The following VPS53 variants were observed in gnomAD, a reference collection of about 807,000 sequenced individuals.
VPS53 encodes vacuolar protein sorting-associated protein 53 homolog.
Under a neutral mutation model 107.0 loss-of-function variants are expected in VPS53, and 70 were observed. The observed-to-expected ratio is 0.65, with a 90% confidence interval of 0.54 to 0.80. VPS53 has a LOEUF of 0.80. VPS53 is among the 30% of genes least tolerant of loss of function. The pLI, the probability that VPS53 is intolerant of heterozygous loss-of-function variation, is 0.00. For synonymous variants in VPS53, 409 were observed against 393.3 expected (o/e 1.04, Z -0.47); for missense variants, 917 against 1,049.4 (o/e 0.87, Z 1.74).
intron 5 of VPS53, among the ~76,000 whole-genome samples, chr17:660,988 C>A (rs1005097577): frequency 6.6e-6 from 1 of 152,038 alleles, no homozygotes; most frequent in Non-Finnish European, 1.5e-5. Flanking sequence ...CTTCTGAGCA[C>A]AACACCGGGG....
rs1253834244 is a variant in VPS53, at chr17:519,696, G to A, written c.2328+130C>T. ...CTCCTCCAGAGGCTTCTCTGAATCC[G>A]GTTTGCTCTGTGGAGCCAGGCACAT... On this transcript the variant is annotated intron_variant, in intron 21 of 21. Transcript: ENST00000437048. The surrounding 1 kb of genome is among the most constrained non-coding windows in gnomAD (Gnocchi z 5.0). 4.1e-6 allele frequency: 3 copies of A among 728,998 alleles called. No individual in the cohort carries two copies. The highest frequency in any genetic ancestry group is 2.7e-5 in the East Asian group (1 of 36,936). The allele number at this position is 728,998 out of a possible 1,614,324, so 45.2% of individuals were successfully genotyped here.
In VPS53 at chr17:560,475, A is replaced by G. The variant is rs764318601; in HGVS notation, c.1655T>C (p.Ile552Thr). Residue 552 changes from isoleucine (I) to threonine (T), a missense_variant, in exon 15 of 22, where the codon ATC becomes ACC. By Grantham distance (89) the Ile-to-Thr change is moderately conservative. Transcript: ENST00000437048. ...AKFTLEELCLICNILSTAEYC... is the reference protein window; with the variant it reads ...AKFTLEELCLTCNILSTAEYC... Reference sequence around the variant, plus strand: ...CTCTGCCGTGCTCAGGATGTTACAGATGAGGCAGAGCTCCTCCAGAGTGAA... The same window carrying G: ...CTCTGCCGTGCTCAGGATGTTACAGGTGAGGCAGAGCTCCTCCAGAGTGAA... 2 of 1,613,084 alleles carry G rather than the reference A, an allele frequency of 1.2e-6. No homozygotes were observed. The highest frequency in any genetic ancestry group is 2.2e-5 in the South Asian group (2 of 91,028).
chr17:631,735 G>C lies in VPS53; in HGVS notation c.609-107C>G, dbSNP rs138076313. 2.8e-4 allele frequency: 279 copies of C among 997,578 alleles called. No homozygotes were observed. In the African/African-American group the frequency reaches 2.8e-3, roughly 10 times the overall value. The allele number at this position is 997,578 out of a possible 1,614,324, so 61.8% of individuals were successfully genotyped here. On this transcript the variant is annotated intron_variant, in intron 7 of 21. Transcript: ENST00000437048. ...GAAGTCTTTCGAGAAAGGCCAGGAA[G>C]GGTACAGAGACGTCCATGAGGTGAG... is the stretch of plus-strand genomic sequence containing the variant.
rs150688816 is a variant in VPS53, at chr17:663,606, A to G, written c.286-1711T>C. Among the ~76,000 whole-genome samples, 15 of 152,328 alleles carry G rather than the reference A, an allele frequency of 9.8e-5. No individual in the cohort carries two copies. The East Asian group carries it at 2.9e-3, about 29-fold the overall frequency. ...CCGTCCGTGAGTAAAGACTACCTAC[A>G]GCTAAAGTGTCTGTGAGCGTGTCAG... On this transcript the variant is annotated intron_variant, in intron 4 of 21. Transcript: ENST00000437048.
At chr17:568,938 G>A (rs1913799436) in intron 13 of VPS53, among the ~76,000 whole-genome samples, 1 of 152,208 alleles carries the variant, frequency 6.6e-6, no homozygotes, top group Admixed American at 6.5e-5. Flanking sequence ...ATACACGTAT[G>A]TTTATACACA....
At position 553,323 on chromosome 17, in the gene VPS53, C is replaced by T. The variant is rs142478715; in HGVS notation, c.1787+57G>A. The T allele has an allele frequency of 0.024, 36,449 of 1,537,672 alleles. 541 individuals are homozygous for T. The highest frequency in any genetic ancestry group is 0.029 in the Middle Eastern group (171 of 5,876). ...GTGTGCAGGGTACATACGTGCTGCA[C>T]GCTGCTGTGTAGTGGAGAAAGGGCA... On this transcript the variant is annotated intron_variant, in intron 16 of 21. Coordinates refer to ENST00000437048, the MANE Select transcript of VPS53 (RefSeq NM_001128159.3).
At chr17:570,058 C>T (rs373384768) in intron 13 of VPS53, among the ~76,000 whole-genome samples, 370 of 152,180 alleles carry the variant, frequency 2.4e-3, no homozygotes, top group African/African-American at 8.5e-3. Context: ...ACAACATCTA[C>T]ACCAAGTAAT....
intron 17 of VPS53, 27 bp from the exon 18 acceptor site, chr17:537,203 G>T: frequency 1.2e-6 from 2 of 1,612,454 alleles, no homozygotes; most frequent in Non-Finnish European, 1.7e-6. Context: ...ATGAGGCGTT[G>T]AATCCCTCGC....
At chr17:664,559 A>G (rs1386296734) in intron 4 of VPS53, among the ~76,000 whole-genome samples, 1 of 152,204 alleles carries the variant, frequency 6.6e-6, no homozygotes, top group Admixed American at 6.5e-5. Flanking sequence ...GCCTCAAAGC[A>G]TAAGGATTCT....
rs554879944 is a variant in VPS53, at chr17:619,057, G to A, written c.1116+4476C>T. On this transcript the variant is annotated intron_variant, in intron 11 of 21. Coordinates refer to ENST00000437048, the MANE Select transcript of VPS53 (RefSeq NM_001128159.3). ...CCACCACGCCCCGCTAATATTTCCC[G>A]GGTAGCTGGGACTACAGGCGTGCAC... 1.3e-3 allele frequency among the ~76,000 whole-genome samples: 183 copies of A among 139,462 alleles called. 4 individuals are homozygous for A. Among genetic ancestry groups the A allele is most frequent in the African/African-American group, 4.5e-3 (167 of 36,730 alleles). 91.5% of individuals were successfully genotyped at this position (139,462 alleles called of 152,430 possible). A position where few individuals can be genotyped will look rare whatever the true frequency, so the allele number is the denominator to read the frequency against.
intron 7 of VPS53, among the ~76,000 whole-genome samples, chr17:642,429 CGAGGACAACACTCATACTTGGCAACT>C (rs1970461358): frequency 4.0e-5 from 6 of 149,034 alleles, no homozygotes; most frequent in African/African-American, 1.5e-4. Flanking sequence ...ACTTGGAAAG[CGAGGACAACACTCATACTTGGCAACT>C]GAGGACAACA....
intron 4 of VPS53, among the ~76,000 whole-genome samples, chr17:663,007 A>G (rs1971536611): frequency 6.6e-6 from 1 of 151,706 alleles, no homozygotes; most frequent in Non-Finnish European, 1.5e-5. Context: ...GGAGTTCAAG[A>G]CTAGCCTGGG....
chr17:565,128 G>A (rs139341067), intron 13 of VPS53, among the ~76,000 whole-genome samples: 60 of 152,206 alleles, frequency 3.9e-4, no homozygotes, highest in African/African-American at 1.4e-3. Context: ...TAGGCCCAAC[G>A]TGGGGGCTCA....
intron 7 of VPS53, 99 bp downstream of exon 7, chr17:653,192 C>T (rs1035728996): frequency 4.7e-5 from 74 of 1,557,922 alleles, no homozygotes; most frequent in African/African-American, 1.6e-4. Context: ...GCCGGATCTG[C>T]GGAATCCCCA....
chr17:682,648 C>A (rs964087411), intron 4 of VPS53, among the ~76,000 whole-genome samples: 29 of 152,188 alleles, frequency 1.9e-4, no homozygotes, highest in African/African-American at 6.8e-4. Flanking sequence ...TTTCCAAGAC[C>A]TTCACTGGGT....
At position 544,404 on chromosome 17, in the gene VPS53, C is replaced by T. The variant is rs73292416; in HGVS notation, c.1867-7228G>A. Among the ~76,000 whole-genome samples the T allele has an allele frequency of 8.4e-3, 1,283 of 152,308 alleles. 20 individuals are homozygous for T. The highest frequency in any genetic ancestry group is 0.029 in the African/African-American group (1,223 of 41,562). ...CTTGCAATCCCAGCAGTTTAGGAGG[C>T]CGAGGCTCTTCCACTTTTAGGCAGG... On this transcript the variant is annotated intron_variant, in intron 17 of 21. Transcript: ENST00000437048.
intron 4 of VPS53, among the ~76,000 whole-genome samples, chr17:668,330 A>G (rs1426831330): frequency 6.6e-6 from 1 of 152,178 alleles, no homozygotes; most frequent in Non-Finnish European, 1.5e-5. Flanking sequence ...CTTGACAAAT[A>G]TTGCCCACTG....
chr17:671,344 A>C (rs2143700387), intron 4 of VPS53, among the ~76,000 whole-genome samples: 1 of 147,574 alleles, frequency 6.8e-6, no homozygotes, highest in East Asian at 2.1e-4. Flanking sequence ...GGAAAGAAAG[A>C]GGAAAGAAAG....
rs1908622656 is a variant in VPS53 at position 520,220 on chromosome 17, T to C, written c.2224-290A>G. Among the ~76,000 whole-genome samples, 1 of 152,170 alleles carries C rather than the reference T, an allele frequency of 6.6e-6. No individual in the cohort carries two copies. Among genetic ancestry groups the C allele is most frequent in the Admixed American group, 6.5e-5 (1 of 15,268 alleles). ...TCCTAAATACACCTGCGCTGCTGTTTGAAGTATGGGTTTCCGGGGCCCTCC... is the reference window on the plus strand; with the variant it reads ...TCCTAAATACACCTGCGCTGCTGTTCGAAGTATGGGTTTCCGGGGCCCTCC... On this transcript the variant is annotated intron_variant, in intron 20 of 21. Transcript: ENST00000437048. This position sits in a 1 kb window ranked among gnomAD's most constrained non-coding sequence, Gnocchi z 4.4.
Sources: gnomAD v4.1 joint callset for allele counts (sites outside exome capture counted in the v4.1 genomes callset) on GRCh38, gnomAD v4.1.1 for gene constraint, Gnocchi (gnomAD v3.1) non-coding constraint, MANE v1.5 for transcripts, NCBI Gene and HGNC (gene_info 2026-07-23, HGNC 2026-07-21) for gene names.